Variants in ROR1 observed in about 807,000 individuals in gnomAD.
ROR1 encodes inactive tyrosine-protein kinase transmembrane receptor ROR1.
In ROR1, 19 loss-of-function variants were observed where a neutral mutation model predicts 78.8. The observed-to-expected ratio is 0.24, with a 90% CI of 0.17 to 0.35. ROR1 has a LOEUF of 0.35. Among genes scored for constraint, ROR1 ranks in the 10% least tolerant of loss-of-function variants. The probability of loss-of-function intolerance (pLI) is 1.00; values close to 1 mark genes in which losing one functional copy is unlikely to be tolerated. For missense variants in ROR1, 917 were observed against 1,177.8 expected (o/e 0.78, Z 3.24); for synonymous variants, 386 against 433.6 (o/e 0.89, Z 1.36).
chr1:63,934,082 T>C (rs545585665), intron 1 of ROR1, among the ~76,000 whole-genome samples: 2 of 152,254 alleles, frequency 1.3e-5, no homozygotes, highest in East Asian at 3.9e-4. Context: ...TGAGGAGGTA[T>C]GTCAGGGAGA....
At chr1:64,093,647 A>G (rs895444576) in intron 4 of ROR1, among the ~76,000 whole-genome samples, 22 of 152,036 alleles carry the variant, frequency 1.4e-4, no homozygotes, top group Admixed American at 3.9e-4. Context: ...CCCAAAAGCA[A>G]TAGAAACCCC....
At chr1:64,139,428 G>T (rs1008050597) in intron 5 of ROR1, among the ~76,000 whole-genome samples, 30 of 152,276 alleles carry the variant, frequency 2.0e-4, no homozygotes, top group African/African-American at 7.0e-4. Context: ...GTTTCCTTGT[G>T]AGGTGTAAGC....
intron 1 of ROR1, among the ~76,000 whole-genome samples, chr1:63,785,698 G>C (rs1166974995): frequency 6.6e-6 from 1 of 151,296 alleles, no homozygotes; most frequent in African/African-American, 2.4e-5. Context: ...GCTAATTTTT[G>C]TATTTTTAGT....
At chr1:63,916,881 C>T (rs570880407) in intron 1 of ROR1, among the ~76,000 whole-genome samples, 1 of 152,298 alleles carries the variant, frequency 6.6e-6, no homozygotes, top group African/African-American at 2.4e-5. Flanking sequence ...AAGCCCTGGC[C>T]TACCTTTTGC....
intron 1 of ROR1, among the ~76,000 whole-genome samples, chr1:63,951,067 C>T (rs1569962726): frequency 6.6e-6 from 1 of 152,156 alleles, no homozygotes; most frequent in Non-Finnish European, 1.5e-5. Context: ...AGGAAGTTCT[C>T]TTTGGGGATT....
intron 4 of ROR1, among the ~76,000 whole-genome samples, chr1:64,074,134 C>T (rs1223898550): frequency 2.6e-5 from 4 of 152,186 alleles, no homozygotes; most frequent in African/African-American, 9.6e-5. Context: ...CGGAAAACCA[C>T]CTCATGCCCA....
intron 1 of ROR1, among the ~76,000 whole-genome samples, chr1:63,902,580 C>A (rs947250518): frequency 2.0e-5 from 3 of 152,000 alleles, no homozygotes; most frequent in Non-Finnish European, 2.9e-5. Flanking sequence ...TGCCTCAGCC[C>A]CCCAAAGTGC....
intron 2 of ROR1, among the ~76,000 whole-genome samples, chr1:64,025,988 C>T (rs1043951914): frequency 6.6e-6 from 1 of 152,162 alleles, no homozygotes; most frequent in Admixed American, 6.6e-5. Flanking sequence ...TAACCAAATA[C>T]CACCTGTTCC....
intron 4 of ROR1, chr1:64,106,869 A>T (rs550977041): frequency 6.6e-6 from 1 of 152,232 alleles, no homozygotes; most frequent in East Asian, 1.9e-4. Context: ...ACACGGGTAC[A>T]GTCTTTTGTT....
intron 1 of ROR1, among the ~76,000 whole-genome samples, chr1:63,900,453 C>A (rs370718648): frequency 5.6e-3 from 615 of 110,580 alleles, no homozygotes; most frequent in South Asian, 8.7e-3. Flanking sequence ...GACTCCATCT[C>A]AAAAAAAAAA....
intron 1 of ROR1, among the ~76,000 whole-genome samples, chr1:63,856,401 T>C (rs1645149391): frequency 1.3e-5 from 2 of 152,244 alleles, no homozygotes; most frequent in Admixed American, 1.3e-4. Context: ...TTTTCCAATC[T>C]GGAAATATCT....
At chr1:64,011,493 T>C (rs1207907927) in intron 2 of ROR1, among the ~76,000 whole-genome samples, 1 of 152,164 alleles carries the variant, frequency 6.6e-6, no homozygotes, top group African/African-American at 2.4e-5. Context: ...AAAGCATCAA[T>C]GTGTGCTAAG....
chr1:63,784,992 T>G (rs1204567602), intron 1 of ROR1, among the ~76,000 whole-genome samples: 1 of 152,226 alleles, frequency 6.6e-6, no homozygotes, highest in Non-Finnish European at 1.5e-5. Flanking sequence ...TTATATTGTT[T>G]CTCAAGGGCA....
intron 4 of ROR1, among the ~76,000 whole-genome samples, chr1:64,070,347 G>T (rs1257461032): frequency 6.6e-6 from 1 of 152,028 alleles, no homozygotes; most frequent in East Asian, 1.9e-4. Flanking sequence ...TTTGTTTTTT[G>T]AGAGAGGGTC....
At chr1:64,006,355 A>G (rs537589498) in intron 1 of ROR1, among the ~76,000 whole-genome samples, 1 of 152,260 alleles carries the variant, frequency 6.6e-6, no homozygotes, top group East Asian at 1.9e-4. Context: ...GCCTTTTCAT[A>G]GGTGAACCGC....
rs1045326130 is a variant in ROR1, at chr1:63,931,554, C to G, written c.92-77751C>G. Among the ~76,000 whole-genome samples, 18 of 152,268 alleles carry G rather than the reference C, an allele frequency of 1.2e-4. 1 individual carries two copies. Among genetic ancestry groups the G allele is most frequent in the Admixed American group, 9.8e-4 (15 of 15,300 alleles). ...AATGGAAGATTCCAGAAATAAACAACTTCTAGGTTTAAAATTACATGCTGT... is the reference window on the plus strand; with the variant it reads ...AATGGAAGATTCCAGAAATAAACAAGTTCTAGGTTTAAAATTACATGCTGT... On this transcript the variant is annotated intron_variant, in intron 1 of 8. Coordinates refer to ENST00000371079, the MANE Select transcript of ROR1 (RefSeq NM_005012.4).
chr1:63,936,836 G>A (rs183539750), intron 1 of ROR1, among the ~76,000 whole-genome samples: 14 of 152,290 alleles, frequency 9.2e-5, no homozygotes, highest in Admixed American at 8.5e-4. Flanking sequence ...CTGAGCAAAT[G>A]TACAGTGGTG....
intron 4 of ROR1, among the ~76,000 whole-genome samples, chr1:64,090,369 A>C (rs911959145): frequency 1.3e-5 from 2 of 152,228 alleles, no homozygotes; most frequent in Admixed American, 6.5e-5. Context: ...GATGAACATT[A>C]GTTGATGCAT....
At chr1:64,025,521 T>C (rs1646600809) in intron 2 of ROR1, among the ~76,000 whole-genome samples, 1 of 152,106 alleles carries the variant, frequency 6.6e-6, no homozygotes, top group East Asian at 1.9e-4. Flanking sequence ...CAATTTGCTG[T>C]TGCAAAAAAT....
Sources: allele counts gnomAD v4.1 joint callset (sites outside exome capture counted in the v4.1 genomes callset), GRCh38; gene constraint gnomAD v4.1.1; transcripts MANE v1.5; gene names NCBI Gene and HGNC (gene_info 2026-07-23, HGNC 2026-07-21).